JADE1: variants seen among roughly 807,000 people sequenced by gnomAD.
JADE1 encodes protein Jade-1.
Under a neutral mutation model 81.8 loss-of-function variants are expected in JADE1, and 14 were observed. The observed-to-expected ratio is 0.17, with a 90% CI of 0.11 to 0.27. The LOEUF is 0.27. JADE1 is among the 10% of genes least tolerant of loss of function. JADE1 has a pLI of 1.00. For synonymous variants in JADE1, 353 were observed against 391.9 expected, an observed-to-expected ratio of 0.90 and a Z score of 1.17; for missense variants, 690 against 1,047.9, an observed-to-expected ratio of 0.66 and a Z score of 4.71.
chr4:128,863,059 T>C (rs983930561), intron 9 of JADE1: 6 of 985,464 alleles, frequency 6.1e-6, no homozygotes, highest in Non-Finnish European at 7.2e-6. Context: ...CACACTGAGA[T>C]TGCTGAATGT....
Position 128,852,277 on chromosome 4 carries a change from G to A in JADE1, c.696+9G>A, listed in dbSNP as rs761627295. ...ACATCTGTGTGCACCAGGTATGTGG[G>A]GCAGGGAGGCCAGAAAGAAGAAACC... On this transcript the variant is annotated intron_variant, in intron 6 of 10. Transcript: ENST00000226319. 1 of 1,611,272 alleles carries A rather than the reference G, an allele frequency of 6.2e-7. No homozygotes were observed. The highest frequency in any genetic ancestry group is 8.5e-7 in the Non-Finnish European group (1 of 1,177,492).
At position 128,872,387 on chromosome 4, in the gene JADE1, CA is replaced by C. The variant is rs1732260207; in HGVS notation, c.*126del. On this transcript the variant is annotated 3_prime_UTR_variant, in exon 11 of 11. Transcript: ENST00000226319. ...TACACAAACACATTTACTTGCAATT[CA>C]GATTAATTTTTTTCCAGAGTCATTT... The C allele has an allele frequency of 2.4e-5, 19 of 803,670 alleles. No individual in the cohort carries two copies. The South Asian group carries it at 3.7e-4, about 16-fold the overall frequency. The allele number at this position is 803,670 out of a possible 1,614,324, so 49.8% of individuals were successfully genotyped here. A position where few individuals can be genotyped will look rare whatever the true frequency, so the allele number is the denominator to read the frequency against.
intron 1 of JADE1, among the ~76,000 whole-genome samples, chr4:128,813,966 GACTGCTT>G (rs1055752433): frequency 7.9e-5 from 12 of 151,726 alleles, no homozygotes; most frequent in African/African-American, 2.7e-4. Context: ...TAAGAGTACA[GACTGCTT>G]ACTAGTAAAA....
chr4:128,865,047 C>T lies in JADE1; in HGVS notation c.1504-2809C>T, dbSNP rs927714526. On this transcript the variant is annotated intron_variant, in intron 9 of 10. Transcript: ENST00000226319. Reference sequence around the variant, plus strand: ...AAATGAGTATTTATTCAGATAAAGACGTGCTACCACTGCACTCTGGCTAGC... The same window carrying T: ...AAATGAGTATTTATTCAGATAAAGATGTGCTACCACTGCACTCTGGCTAGC... 9.8e-5 allele frequency: 15 copies of T among 152,316 alleles called. No homozygotes were observed. In the South Asian group the frequency reaches 1.4e-3, roughly 15 times the overall value. 9.4% of individuals were successfully genotyped at this position (152,316 alleles called of 1,614,324 possible).
At chr4:128,863,052 A>G in intron 9 of JADE1, 1 of 985,410 alleles carries the variant, frequency 1.0e-6, no homozygotes, top group Non-Finnish European at 1.2e-6. Flanking sequence ...TGTTTGTCAC[A>G]CTGAGATTGC....
intron 2 of JADE1, among the ~76,000 whole-genome samples, chr4:128,837,052 A>G (rs1330359091): frequency 6.6e-6 from 1 of 152,234 alleles, no homozygotes; most frequent in Non-Finnish European, 1.5e-5. Context: ...TCCTAAAGTT[A>G]TAGAGCAGGA....
chr4:128,870,777 TAATG>T (rs1659861439), intron 10 of JADE1, among the ~76,000 whole-genome samples: 1 of 152,234 alleles, frequency 6.6e-6, no homozygotes, highest in African/African-American at 2.4e-5. Context: ...CACATAATAA[TAATG>T]AACATTTTTG....
rs979629261 is a variant in JADE1, at chr4:128,855,651, G to A, written c.718G>A (p.Val240Ile). Residue 240 changes from valine to isoleucine, a missense_variant, in exon 7 of 11, where the codon GTA becomes ATA. Val to Ile is a conservative substitution (Grantham distance 29). Transcript: ENST00000226319. ...ACAGGCCTGTTATGGAATCCTCAAGGTACCAGAGGGCAGCTGGCTGTGCCG... is the reference window on the plus strand; with the variant it reads ...ACAGGCCTGTTATGGAATCCTCAAGATACCAGAGGGCAGCTGGCTGTGCCG... ...VHQACYGILK[V>I]PEGSWLCRTC... is the part of the protein sequence containing the mutation. 1 of 1,613,712 alleles carries A rather than the reference G, an allele frequency of 6.2e-7. No homozygotes were observed. Among genetic ancestry groups the A allele is most frequent in the Non-Finnish European group, 8.5e-7 (1 of 1,179,756 alleles).
At chr4:128,864,491 A>G in intron 9 of JADE1, 1 of 985,346 alleles carries the variant, frequency 1.0e-6, no homozygotes, top group African/African-American at 1.7e-5. Context: ...CGCTACCCAA[A>G]ATTTGCCATG....
intron 3 of JADE1, 28 bp downstream of exon 3, chr4:128,843,066 G>A: frequency 6.3e-7 from 1 of 1,576,156 alleles, no homozygotes. Context: ...GCCTGACCGT[G>A]CATGAATATA....
At chr4:128,857,264 CT>C in intron 7 of JADE1, 73 bp from the exon 8 acceptor site, 2 of 1,124,760 alleles carry the variant, frequency 1.8e-6, no homozygotes, top group Non-Finnish European at 2.7e-6. Flanking sequence ...AGTAATGGAT[CT>C]TTTAGTTTCT....
chr4:128,843,217 G>C (rs1280689383), intron 3 of JADE1, among the ~76,000 whole-genome samples, 179 bp downstream of exon 3: 1 of 152,244 alleles, frequency 6.6e-6, no homozygotes, highest in Non-Finnish European at 1.5e-5. Context: ...TGAGGATTAA[G>C]TGGGTTAATT....
intron 8 of JADE1, among the ~76,000 whole-genome samples, chr4:128,860,822 A>G (rs1048354007): frequency 4.6e-5 from 7 of 152,264 alleles, no homozygotes; most frequent in South Asian, 2.1e-4. Flanking sequence ...CCTGTGACGC[A>G]TGGGAAGGAT....
At chr4:128,862,858 T>TA in intron 9 of JADE1, 1 of 988,708 alleles carries the variant, frequency 1.0e-6, no homozygotes, top group Non-Finnish European at 1.2e-6. Flanking sequence ...TTACAGAAGA[T>TA]ACTCCTGGCA....
intron 9 of JADE1, 106 bp downstream of exon 9, chr4:128,862,331 C>G (rs924523530): frequency 2.0e-6 from 3 of 1,521,080 alleles, no homozygotes; most frequent in African/African-American, 2.8e-5. Flanking sequence ...CTCTCAGACC[C>G]TTGTACACAC....
chr4:128,853,299 AT>A (rs1479974001), intron 6 of JADE1, among the ~76,000 whole-genome samples: 1 of 152,220 alleles, frequency 6.6e-6, no homozygotes, highest in Non-Finnish European at 1.5e-5. Context: ...AGAAGGTCAC[AT>A]TTTGAGATAT....
In JADE1 at chr4:128,846,692, C is replaced by G. The variant is rs1305793811; in HGVS notation, c.296+160C>G. Among the ~76,000 whole-genome samples the G allele has an allele frequency of 6.6e-6, 1 of 152,190 alleles. No homozygotes were observed. The highest frequency in any genetic ancestry group is 2.4e-5 in the African/African-American group (1 of 41,450). On this transcript the variant is annotated intron_variant, in intron 4 of 10. Coordinates refer to ENST00000226319, the MANE Select transcript of JADE1 (RefSeq NM_199320.4). This position sits in a 1 kb window ranked among gnomAD's most constrained non-coding sequence, Gnocchi z 4.0. ...AGTGGAAATAGAAATTCAGGAGCAACATACTTCAGGCATACAGGGTAGTGG... is the reference window on the plus strand; with the variant it reads ...AGTGGAAATAGAAATTCAGGAGCAAGATACTTCAGGCATACAGGGTAGTGG...
chr4:128,844,576 A>G (rs1287737020), intron 3 of JADE1, among the ~76,000 whole-genome samples: 1 of 151,974 alleles, frequency 6.6e-6, no homozygotes, highest in African/African-American at 2.4e-5. Context: ...GTTAGTTGGA[A>G]TATGTTTTTA....
Position 128,871,974 on chromosome 4 carries a change from C to T in JADE1, c.2241C>T (p.Asn747=), listed in dbSNP as rs1403138535. 1 of 1,613,894 alleles carries T rather than the reference C, an allele frequency of 6.2e-7. No homozygotes were observed. Among genetic ancestry groups the T allele is most frequent in the East Asian group, 2.2e-5 (1 of 44,832 alleles). ...VPTTPASPVK[N]WGGFRIPKKG... ...CAACACCTGCCAGCCCAGTGAAAAA[C>T]TGGGGAGGATTCCGGATTCCAAAGA... Residue 747 remains asparagine, a synonymous_variant, in exon 11 of 11, where the codon AAC becomes AAT. Coordinates refer to ENST00000226319, the MANE Select transcript of JADE1 (RefSeq NM_199320.4). The surrounding 1 kb of genome is among the most constrained non-coding windows in gnomAD (Gnocchi z 4.1).
Sources: allele counts gnomAD v4.1 joint callset (sites outside exome capture counted in the v4.1 genomes callset), GRCh38; gene constraint gnomAD v4.1.1; non-coding constraint Gnocchi (gnomAD v3.1); transcripts MANE v1.5; gene names NCBI Gene and HGNC (gene_info 2026-07-23, HGNC 2026-07-21).